Variants in GNB1 observed in about 807,000 individuals in gnomAD.
GNB1 encodes the protein guanine nucleotide-binding protein G(I)/G(S)/G(T) subunit beta-1.
In GNB1, 2 loss-of-function variants were observed where a neutral mutation model predicts 42.9. The ratio of observed to expected loss-of-function variants is 0.05; its 90% CI spans 0.02 to 0.15. The LOEUF is 0.15. Ranked by LOEUF, GNB1 falls within the 10% of genes least tolerant of loss-of-function variation. The probability of loss-of-function intolerance (pLI) is 1.00; values close to 1 mark genes in which losing one functional copy is unlikely to be tolerated. For synonymous variants in GNB1, 183 were observed against 174.7 expected, an observed-to-expected ratio of 1.05 and a Z score of -0.38; for missense variants, 193 against 462.2, an observed-to-expected ratio of 0.42 and a Z score of 5.34.
chr1:1,849,198 G>A (rs1234486525), intron 1 of GNB1, among the ~76,000 whole-genome samples: 1 of 152,228 alleles, frequency 6.6e-6, no homozygotes, highest in Non-Finnish European at 1.5e-5. Flanking sequence ...TTTGTCAGGA[G>A]AGACTCCATG....
At chr1:1,815,486 G>T (rs1233659573) in intron 5 of GNB1, among the ~76,000 whole-genome samples, 2 of 152,214 alleles carry the variant, frequency 1.3e-5, no homozygotes, top group Non-Finnish European at 2.9e-5. Context: ...AACTGAAAGA[G>T]ACAGGAGAAG....
chr1:1,788,267 G>C (rs185637523), intron 10 of GNB1: 1 of 152,724 alleles, frequency 6.5e-6, no homozygotes, highest in African/African-American at 2.4e-5. Flanking sequence ...CCAGCCAGAA[G>C]CTCCACTTCC....
rs185910588 is a variant in GNB1 at position 1,888,850 on chromosome 1, G to T, written c.-96+1970C>A. Among the ~76,000 whole-genome samples the T allele has an allele frequency of 2.5e-3, 385 of 152,168 alleles. 2 individuals carry two copies. Among genetic ancestry groups the T allele is most frequent in the Non-Finnish European group, 3.5e-3 (238 of 68,008 alleles). On this transcript the variant is annotated intron_variant, in intron 1 of 11. Coordinates refer to ENST00000378609, the MANE Select transcript of GNB1 (RefSeq NM_002074.5). ...GCGAAACTCCATCTCAAAAAGTAAA[G>T]AAAGTTCTGCCTTAGCATAAACCAA...
In GNB1 at chr1:1,825,211, A is replaced by C. The variant is rs986013385; in HGVS notation, c.57+186T>G. ...AAATAACAAATTGTATACAGAAAGC[A>C]AAATCCCAAAAACAATGTACTAGGC... is the stretch of plus-strand genomic sequence containing the variant. On this transcript the variant is annotated intron_variant, in intron 3 of 11. Transcript: ENST00000378609. The C allele has an allele frequency of 1.4e-5, 8 of 587,110 alleles. No homozygotes were observed. In the African/African-American group the frequency reaches 1.5e-4, roughly 11 times the overall value. The allele number at this position is 587,110 out of a possible 1,614,324, so 36.4% of individuals were successfully genotyped here. A position where few individuals can be genotyped will look rare whatever the true frequency, so the allele number is the denominator to read the frequency against.
chr1:1,785,821 A>G lies in GNB1; in HGVS notation c.*1242T>C, dbSNP rs1304176460. ...AACAGAACTTTTTTTTTTTTAAAGA[A>G]ATAAAGAAAACAGTGACTTATCCCG... On this transcript the variant is annotated 3_prime_UTR_variant, in exon 12 of 12. Transcript: ENST00000378609. The G allele has an allele frequency of 5.1e-6, 2 of 394,754 alleles. No homozygotes were observed. The highest frequency in any genetic ancestry group is 4.5e-6 in the Non-Finnish European group (1 of 224,124). The allele number at this position is 394,754 out of a possible 1,614,324, so 24.5% of individuals were successfully genotyped here.
intron 4 of GNB1, among the ~76,000 whole-genome samples, chr1:1,816,573 CT>C (rs533847928): frequency 6.6e-6 from 1 of 151,264 alleles, no homozygotes; most frequent in South Asian, 2.1e-4. Flanking sequence ...ACTTAATCAT[CT>C]TCAGTAGAAG....
At chr1:1,803,561 C>A (rs1282077645) in intron 7 of GNB1, among the ~76,000 whole-genome samples, 1 of 152,222 alleles carries the variant, frequency 6.6e-6, no homozygotes, top group Admixed American at 6.5e-5. Flanking sequence ...CAGTTACAGG[C>A]ATGAGCCACC....
chr1:1,815,075 G>A (rs1486268436), intron 5 of GNB1, among the ~76,000 whole-genome samples: 1 of 147,842 alleles, frequency 6.8e-6, no homozygotes, highest in Non-Finnish European at 1.5e-5. Flanking sequence ...TTGCCCCACC[G>A]CACTCCAGGC....
At chr1:1,855,606 C>T (rs992035675) in intron 1 of GNB1, among the ~76,000 whole-genome samples, 5 of 149,882 alleles carry the variant, frequency 3.3e-5, no homozygotes, top group African/African-American at 9.8e-5. Flanking sequence ...GAGGCTGAGG[C>T]GGGAGAATGG....
intron 7 of GNB1, among the ~76,000 whole-genome samples, chr1:1,804,048 C>A (rs1387705851): frequency 2.2e-5 from 3 of 136,280 alleles, no homozygotes; most frequent in Non-Finnish European, 4.6e-5. Flanking sequence ...AATCCCAGCA[C>A]TTTGGGAGGC....
At chr1:1,808,005 G>C (rs529698566) in intron 5 of GNB1, among the ~76,000 whole-genome samples, 1 of 151,268 alleles carries the variant, frequency 6.6e-6, no homozygotes, top group Non-Finnish European at 1.5e-5. Flanking sequence ...CACCACGCCC[G>C]GCCTCTTTTT....
intron 1 of GNB1, among the ~76,000 whole-genome samples, chr1:1,874,771 C>G (rs1423909493): frequency 6.6e-6 from 1 of 151,014 alleles, no homozygotes; most frequent in Non-Finnish European, 1.5e-5. Flanking sequence ...GCCTGGGTGA[C>G]AAAGAGTGAC....
intron 2 of GNB1, 168 bp from the exon 3 acceptor site, chr1:1,825,667 A>G: frequency 4.3e-6 from 2 of 468,770 alleles, no homozygotes; most frequent in South Asian, 2.2e-5. Flanking sequence ...GATCGAGACC[A>G]TCCTGGCTAA....
At chr1:1,866,991 G>C (rs1464676795) in intron 1 of GNB1, among the ~76,000 whole-genome samples, 1 of 152,032 alleles carries the variant, frequency 6.6e-6, no homozygotes, top group Non-Finnish European at 1.5e-5. Context: ...TCTAGGCCGG[G>C]TGCAGTGGCT....
At chr1:1,843,300 G>A (rs1454570516) in intron 1 of GNB1, among the ~76,000 whole-genome samples, 1 of 152,128 alleles carries the variant, frequency 6.6e-6, no homozygotes, top group Non-Finnish European at 1.5e-5. Context: ...GCTCACTGCA[G>A]CTTCGACTTC....
At chr1:1,788,010 C>T (rs1056428729) in intron 10 of GNB1, 8 of 143,128 alleles carry the variant, frequency 5.6e-5, no homozygotes, top group African/African-American at 2.1e-4. Context: ...GCCTGGGCGA[C>T]AGAGCGAGAC....
At chr1:1,864,148 C>T (rs1334759133) in intron 1 of GNB1, among the ~76,000 whole-genome samples, 1 of 150,944 alleles carries the variant, frequency 6.6e-6, no homozygotes, top group Non-Finnish European at 1.5e-5. Flanking sequence ...TGATGAAACC[C>T]TGTCTCTACT....
At position 1,790,318 on chromosome 1, in the gene GNB1, A is replaced by G; in HGVS notation, c.699+77T>C. 4 of 999,108 alleles carry G rather than the reference A, an allele frequency of 4.0e-6. No individual in the cohort carries two copies. Among genetic ancestry groups the G allele is most frequent in the South Asian group, 2.6e-5 (2 of 76,194 alleles). The allele number at this position is 999,108 out of a possible 1,614,324, so 61.9% of individuals were successfully genotyped here. ...CAGAAAGGAGAACATCTAATCCAGAAAAGTTTAAAATTTAGCAATCTGAAC... is the reference window on the plus strand; with the variant it reads ...CAGAAAGGAGAACATCTAATCCAGAGAAGTTTAAAATTTAGCAATCTGAAC... On this transcript the variant is annotated intron_variant, in intron 9 of 11. Transcript: ENST00000378609. The surrounding 1 kb of genome is among the most constrained non-coding windows in gnomAD (Gnocchi z 5.4).
intron 7 of GNB1, among the ~76,000 whole-genome samples, chr1:1,799,617 G>T (rs1646597484): frequency 6.6e-6 from 1 of 152,186 alleles, no homozygotes; most frequent in Admixed American, 6.6e-5. Context: ...CCTTCTCACA[G>T]AAACAACTAT....
Sources: allele counts gnomAD v4.1 joint callset (sites outside exome capture counted in the v4.1 genomes callset), GRCh38; gene constraint gnomAD v4.1.1; non-coding constraint Gnocchi (gnomAD v3.1); transcripts MANE v1.5; gene names NCBI Gene and HGNC (gene_info 2026-07-23, HGNC 2026-07-21).